Variants in PTPRD observed in about 807,000 individuals in gnomAD.
PTPRD encodes protein tyrosine phosphatase receptor type D, also known as receptor-type tyrosine-protein phosphatase delta.
In PTPRD, 34 loss-of-function variants were observed where a neutral mutation model predicts 214.5. The observed-to-expected ratio is 0.16, with a 90% confidence interval of 0.12 to 0.21. The LOEUF (loss-of-function observed/expected upper bound fraction) is 0.21, where lower values mean the gene tolerates loss of function less well. Ranked by LOEUF, PTPRD falls within the 10% of genes least tolerant of loss-of-function variation. PTPRD has a pLI of 1.00. For missense variants in PTPRD, 2,545 were observed against 2,398.7 expected (o/e 1.06, Z -1.27); for synonymous variants, 1,128 against 845.7 (o/e 1.33, Z -5.79).
At chr9:8,671,379 C>T (rs1008434101) in intron 12 of PTPRD, among the ~76,000 whole-genome samples, 1 of 151,880 alleles carries the variant, frequency 6.6e-6, no homozygotes, top group African/African-American at 2.4e-5. Context: ...GGAAAAGTAA[C>T]AATGGTAGGA....
intron 9 of PTPRD, among the ~76,000 whole-genome samples, chr9:9,380,187 G>A (rs2061811845): frequency 6.6e-6 from 1 of 151,938 alleles, no homozygotes; most frequent in Admixed American, 6.6e-5. Context: ...TATATCCCTA[G>A]TTTTACTGAG....
intron 10 of PTPRD, among the ~76,000 whole-genome samples, chr9:9,090,264 T>C (rs1429740062): frequency 1.3e-5 from 2 of 152,124 alleles, no homozygotes; most frequent in African/African-American, 2.4e-5. Context: ...TCTACCTCTA[T>C]AAGGTACACT....
intron 12 of PTPRD, among the ~76,000 whole-genome samples, chr9:8,672,567 T>G (rs1466046375): frequency 6.6e-6 from 1 of 152,134 alleles, no homozygotes; most frequent in African/African-American, 2.4e-5. Context: ...ATTAATTTGC[T>G]ATTTCACTTC....
intron 12 of PTPRD, among the ~76,000 whole-genome samples, chr9:8,702,455 A>C (rs142229475): frequency 1.9e-4 from 29 of 152,320 alleles, no homozygotes; most frequent in Admixed American, 3.9e-4. Flanking sequence ...TCATGAGAAT[A>C]AAGAAACAGT....
intron 3 of PTPRD, among the ~76,000 whole-genome samples, chr9:10,050,799 T>G (rs2097522826): frequency 6.6e-6 from 1 of 151,990 alleles, no homozygotes; most frequent in South Asian, 2.1e-4. Flanking sequence ...AACCCTAAAT[T>G]TCCTGTCCAA....
intron 8 of PTPRD, among the ~76,000 whole-genome samples, chr9:9,559,889 G>C (rs1426639215): frequency 6.6e-6 from 1 of 152,184 alleles, no homozygotes; most frequent in Non-Finnish European, 1.5e-5. Flanking sequence ...CCAAGGTGCA[G>C]ACAGAGGTTT....
intron 32 of PTPRD, among the ~76,000 whole-genome samples, chr9:8,462,138 A>T (rs903189616): frequency 6.6e-6 from 1 of 151,974 alleles, no homozygotes; most frequent in African/African-American, 2.4e-5. Flanking sequence ...CCCTACATAT[A>T]TGTTCAAATT....
intron 12 of PTPRD, among the ~76,000 whole-genome samples, chr9:8,706,216 T>G (rs1306052179): frequency 1.3e-5 from 2 of 152,186 alleles, no homozygotes; most frequent in Admixed American, 6.5e-5. Context: ...GGGATCTTGA[T>G]CAAACCAAGC....
At chr9:8,704,529 T>G (rs1193110639) in intron 12 of PTPRD, among the ~76,000 whole-genome samples, 1 of 152,166 alleles carries the variant, frequency 6.6e-6, no homozygotes. Context: ...ATGGACTTAA[T>G]GTCTCCCTTA....
intron 8 of PTPRD, among the ~76,000 whole-genome samples, chr9:9,435,426 C>G (rs2084853107): frequency 6.6e-6 from 1 of 151,492 alleles, no homozygotes; most frequent in Non-Finnish European, 1.5e-5. Flanking sequence ...CAGGAGGATC[C>G]CTCGAACCCA....
intron 34 of PTPRD, among the ~76,000 whole-genome samples, chr9:8,447,587 C>G (rs2095783795): frequency 1.3e-5 from 2 of 152,178 alleles, no homozygotes; most frequent in Non-Finnish European, 2.9e-5. Flanking sequence ...TATTCTCTTA[C>G]CTGCAGTCAC....
intron 8 of PTPRD, among the ~76,000 whole-genome samples, chr9:9,545,123 T>C (rs1050508742): frequency 2.0e-5 from 3 of 151,732 alleles, no homozygotes; most frequent in Admixed American, 2.0e-4. Flanking sequence ...TTGTTAAAAT[T>C]GCTGAACCTA....
chr9:10,407,435 G>T (rs1241371961), intron 2 of PTPRD, among the ~76,000 whole-genome samples: 1 of 151,468 alleles, frequency 6.6e-6, no homozygotes, highest in Non-Finnish European at 1.5e-5. Flanking sequence ...CTAAGTATGA[G>T]ATTTTGAAAA....
intron 9 of PTPRD, among the ~76,000 whole-genome samples, chr9:9,378,746 C>T (rs1180099724): frequency 1.3e-5 from 2 of 151,992 alleles, no homozygotes; most frequent in Admixed American, 6.6e-5. Context: ...TTTGAATTCA[C>T]ATTTCTCTAA....
intron 6 of PTPRD, among the ~76,000 whole-genome samples, chr9:9,738,584 A>G (rs1596389695): frequency 6.6e-6 from 1 of 151,144 alleles, no homozygotes; most frequent in Non-Finnish European, 1.5e-5. Context: ...GATTACAGGC[A>G]CGTGCCACCA....
At chr9:8,650,935 G>C (rs2096794744) in intron 12 of PTPRD, among the ~76,000 whole-genome samples, 1 of 150,718 alleles carries the variant, frequency 6.6e-6, no homozygotes, top group Non-Finnish European at 1.5e-5. Flanking sequence ...AAAAGTATTT[G>C]GCAATGATTT....
intron 2 of PTPRD, among the ~76,000 whole-genome samples, chr9:10,554,551 T>A (rs905651713): frequency 1.4e-4 from 21 of 152,198 alleles, no homozygotes; most frequent in African/African-American, 4.8e-4. Context: ...GCATCAGGTA[T>A]TTGAGAATTC....
chr9:8,948,493 TTATATATATATTTA>T lies in PTPRD; in HGVS notation c.-104+70190_-104+70203del, dbSNP rs1211637633. ...CATATATATATATTTATATATATAT[TTATATATATATTTA>T]TATATATATATTTATATATATATTT... On this transcript the variant is annotated intron_variant, in intron 11 of 45. Coordinates refer to ENST00000381196, the MANE Select transcript of PTPRD (RefSeq NM_002839.4). Among the ~76,000 whole-genome samples, 93 of 48,424 alleles carry T rather than the reference TTATATATATATTTA, an allele frequency of 1.9e-3. 8 individuals carry two copies. Among genetic ancestry groups the T allele is most frequent in the African/African-American group, 2.6e-3 (29 of 10,996 alleles). The allele number at this position is 48,424 out of a possible 152,430, so 31.8% of individuals were successfully genotyped here.
intron 3 of PTPRD, among the ~76,000 whole-genome samples, chr9:10,072,212 T>C (rs567374744): frequency 1.5e-3 from 224 of 152,200 alleles, no homozygotes; most frequent in Non-Finnish European, 2.5e-3. Context: ...AAGTTAAGTA[T>C]ATGAAAATAT....
Sources: gnomAD v4.1 joint callset for allele counts (sites outside exome capture counted in the v4.1 genomes callset) on GRCh38, gnomAD v4.1.1 for gene constraint, MANE v1.5 for transcripts, NCBI Gene and HGNC (gene_info 2026-07-23, HGNC 2026-07-21) for gene names.